Variants in LMX1A observed in about 807,000 individuals in gnomAD.
LMX1A encodes the protein LIM homeobox transcription factor 1 alpha.
LMX1A carries 15 observed loss-of-function variants against 49.1 expected under a neutral mutation model. That is an observed-to-expected ratio of 0.31 (90% confidence interval 0.20 to 0.47). LMX1A has a LOEUF of 0.47. Among genes scored for constraint, LMX1A ranks in the 20% least tolerant of loss-of-function variants. LMX1A has a pLI of 1.00. For synonymous variants in LMX1A, 167 were observed against 185.7 expected (o/e 0.90, Z 0.82); for missense variants, 372 against 475.8 (o/e 0.78, Z 2.03).
At chr1:165,246,388 T>C (rs115000755) in intron 4 of LMX1A, among the ~76,000 whole-genome samples, 3,551 of 152,274 alleles carry the variant, frequency 0.023, 142 homozygotes, top group African/African-American at 0.079. Flanking sequence ...TGTCACTTCA[T>C]TTAAAACTAC....
chr1:165,268,915 A>G lies in LMX1A; in HGVS notation c.264-19275T>C, dbSNP rs993894441. On this transcript the variant is annotated intron_variant, in intron 3 of 8. Transcript: ENST00000342310. Reference sequence around the variant, plus strand: ...ATGACAGGCAACATAAAAATCCTCAAAAGCAGAGCTATACTTTCTATACAC... The same window carrying G: ...ATGACAGGCAACATAAAAATCCTCAGAAGCAGAGCTATACTTTCTATACAC... Among the ~76,000 whole-genome samples the G allele has an allele frequency of 2.0e-5, 3 of 152,362 alleles. No individual in the cohort carries two copies. In the South Asian group the frequency reaches 6.2e-4, roughly 32 times the overall value.
At chr1:165,280,133 T>G (rs1654103179) in intron 3 of LMX1A, among the ~76,000 whole-genome samples, 2 of 152,128 alleles carry the variant, frequency 1.3e-5, no homozygotes, top group Admixed American at 6.5e-5. Flanking sequence ...CCAACTTAGC[T>G]GCATGTTCGT....
At chr1:165,247,643 G>A (rs975669711) in intron 4 of LMX1A, among the ~76,000 whole-genome samples, 1 of 152,216 alleles carries the variant, frequency 6.6e-6, no homozygotes, top group African/African-American at 2.4e-5. Context: ...TGGAGGTAAA[G>A]GGAGCCGAAC....
At chr1:165,241,097 G>T (rs916915990) in intron 4 of LMX1A, among the ~76,000 whole-genome samples, 42 of 152,082 alleles carry the variant, frequency 2.8e-4, no homozygotes, top group Non-Finnish European at 4.7e-4. Flanking sequence ...TGCAACACTA[G>T]CTAGCTAGGA....
chr1:165,261,827 A>C (rs909821985), intron 3 of LMX1A, among the ~76,000 whole-genome samples: 35 of 152,222 alleles, frequency 2.3e-4, no homozygotes, highest in African/African-American at 8.2e-4. Context: ...TAGAGTAGTC[A>C]AATTCAGTGA....
chr1:165,329,048 T>C (rs1506949), intron 3 of LMX1A, among the ~76,000 whole-genome samples: 11,324 of 152,226 alleles, frequency 0.074, 608 homozygotes, highest in South Asian at 0.2. Context: ...GGAAATTTAT[T>C]TTAAAAAAGA....
chr1:165,263,524 C>A (rs1653513791), intron 3 of LMX1A, among the ~76,000 whole-genome samples: 1 of 152,228 alleles, frequency 6.6e-6, no homozygotes, highest in Admixed American at 6.5e-5. Context: ...CCAGGACAGT[C>A]ATTTTGCATT....
chr1:165,350,459 C>T (rs1311786379), intron 3 of LMX1A, among the ~76,000 whole-genome samples: 1 of 152,110 alleles, frequency 6.6e-6, no homozygotes, highest in Non-Finnish European at 1.5e-5. Context: ...TTCTCATTGT[C>T]CTCTCCTCAT....
chr1:165,233,016 T>C (rs190353549), intron 4 of LMX1A, among the ~76,000 whole-genome samples: 1 of 152,258 alleles, frequency 6.6e-6, no homozygotes, highest in African/African-American at 2.4e-5. Context: ...ATATAATGAA[T>C]TCCCTTTATT....
At chr1:165,270,299 AC>A (rs1172127027) in intron 3 of LMX1A, among the ~76,000 whole-genome samples, 2 of 151,890 alleles carry the variant, frequency 1.3e-5, no homozygotes, top group Non-Finnish European at 2.9e-5. Flanking sequence ...CAAGACTCAT[AC>A]CCCCCATAAA....
intron 3 of LMX1A, among the ~76,000 whole-genome samples, chr1:165,269,749 C>T (rs377148248): frequency 8.5e-5 from 13 of 152,182 alleles, no homozygotes; most frequent in African/African-American, 2.2e-4. Flanking sequence ...TGCAGGGACA[C>T]GGATGAAGCT....
intron 3 of LMX1A, among the ~76,000 whole-genome samples, chr1:165,269,928 A>G (rs1453641748): frequency 6.6e-6 from 1 of 152,094 alleles, no homozygotes; most frequent in Non-Finnish European, 1.5e-5. Context: ...TAGGGAAAAG[A>G]GCTAATGAAT....
chr1:165,233,822 T>G (rs1652323807), intron 4 of LMX1A, among the ~76,000 whole-genome samples: 1 of 152,230 alleles, frequency 6.6e-6, no homozygotes, highest in African/African-American at 2.4e-5. Flanking sequence ...CCACAGCACT[T>G]AGAATGATGC....
intron 3 of LMX1A, among the ~76,000 whole-genome samples, chr1:165,352,745 G>A (rs1656469931): frequency 6.6e-6 from 1 of 152,244 alleles, no homozygotes. Context: ...CAAGCTCGAG[G>A]GATTCCAAGG....
chr1:165,269,516 C>T (rs1653727510), intron 3 of LMX1A, among the ~76,000 whole-genome samples: 1 of 152,166 alleles, frequency 6.6e-6, no homozygotes, highest in African/African-American at 2.4e-5. Context: ...ACCAGAAATA[C>T]CATTTGACCC....
intron 3 of LMX1A, among the ~76,000 whole-genome samples, chr1:165,336,224 C>G (rs1009949247): frequency 6.6e-6 from 1 of 152,136 alleles, no homozygotes; most frequent in Admixed American, 6.5e-5. Context: ...GTTAAGGGTT[C>G]TCTATGTATC....
chr1:165,255,889 C>T (rs1316987433), intron 3 of LMX1A, among the ~76,000 whole-genome samples: 1 of 152,010 alleles, frequency 6.6e-6, no homozygotes, highest in Non-Finnish European at 1.5e-5. Context: ...AGGAGAATCG[C>T]TTGAACGCGG....
chr1:165,265,468 C>G (rs1011562397), intron 3 of LMX1A, among the ~76,000 whole-genome samples: 2 of 152,150 alleles, frequency 1.3e-5, no homozygotes, highest in African/African-American at 4.8e-5. Context: ...CAGAGGAGCT[C>G]TTGTGGAGTT....
At chr1:165,220,605 G>A (rs1396381695) in intron 4 of LMX1A, among the ~76,000 whole-genome samples, 1 of 152,246 alleles carries the variant, frequency 6.6e-6, no homozygotes, top group African/African-American at 2.4e-5. Flanking sequence ...TGCAAGGCTT[G>A]TCTACTTCCA....
Sources: gnomAD v4.1 joint callset for allele counts (sites outside exome capture counted in the v4.1 genomes callset) on GRCh38, gnomAD v4.1.1 for gene constraint, MANE v1.5 for transcripts, NCBI Gene and HGNC (gene_info 2026-07-23, HGNC 2026-07-21) for gene names.